HPSE2: variants seen among roughly 807,000 people sequenced by gnomAD.
HPSE2 encodes the protein inactive heparanase-2.
Under a neutral mutation model 60.5 loss-of-function variants are expected in HPSE2, and 38 were observed. The observed-to-expected ratio is 0.63, with a 90% confidence interval of 0.48 to 0.82. The LOEUF (loss-of-function observed/expected upper bound fraction) is 0.82, where lower values mean the gene tolerates loss of function less well. HPSE2 is among the 40% of genes least tolerant of loss of function. The pLI is 0.00. For synonymous variants in HPSE2, 295 were observed against 293.2 expected (o/e 1.01, Z -0.06); for missense variants, 713 against 740.4 (o/e 0.96, Z 0.43).
chr10:98,672,920 A>T (rs1343794287), intron 6 of HPSE2, among the ~76,000 whole-genome samples: 5 of 152,224 alleles, frequency 3.3e-5, no homozygotes, highest in African/African-American at 1.2e-4. Flanking sequence ...GCTTGCAAAG[A>T]TCACCTAAGA....
At chr10:99,048,218 A>T in intron 3 of HPSE2, 1 of 608,294 alleles carries the variant, frequency 1.6e-6, no homozygotes, top group Non-Finnish European at 3.0e-6. Context: ...GATTCATGAG[A>T]TCTATACTAT....
chr10:98,770,284 T>C (rs923189875), intron 3 of HPSE2, among the ~76,000 whole-genome samples: 4 of 152,192 alleles, frequency 2.6e-5, no homozygotes, highest in Admixed American at 1.3e-4. Context: ...ATAATACTAA[T>C]GGAATGGTGG....
Position 99,235,682 on chromosome 10 carries a change from CCT to C in HPSE2, c.119_120del (p.Gln40ArgfsTer24). The C allele has an allele frequency of 6.2e-7, 1 of 1,613,942 alleles. No individual in the cohort carries two copies. The highest frequency in any genetic ancestry group is 8.5e-7 in the Non-Finnish European group (1 of 1,179,990). ...ALLLHLSLSS[Q>X]AGDRRPLPVD... ...ACAGGCAAGGGTCTCCTGTCTCCAG[CCT>C]GGGAGGAAAGGGAGAGATGGAGCAA... On this transcript the variant is annotated frameshift_variant, in exon 1 of 12. Transcript: ENST00000370552. LOFTEE classifies it high-confidence loss of function.
chr10:99,186,104 CCACACACACACACA>C (rs527839752), intron 2 of HPSE2, among the ~76,000 whole-genome samples: 2,614 of 80,748 alleles, frequency 0.032, 98 homozygotes, highest in African/African-American at 0.084. Context: ...GGATAAATAA[CCACACACACACACA>C]CACACACACA....
At chr10:99,195,504 G>C (rs1589806558) in intron 2 of HPSE2, among the ~76,000 whole-genome samples, 1 of 151,692 alleles carries the variant, frequency 6.6e-6, no homozygotes, top group African/African-American at 2.4e-5. Flanking sequence ...CTGATAAGTT[G>C]AGTAAAGTTG....
At chr10:98,908,131 T>C (rs1320248059) in intron 3 of HPSE2, among the ~76,000 whole-genome samples, 1 of 152,204 alleles carries the variant, frequency 6.6e-6, no homozygotes, top group Non-Finnish European at 1.5e-5. Context: ...CTAGGCACTA[T>C]TCTAAGCTCT....
At chr10:99,295,822 C>T in the HPSE2 span, among the ~76,000 whole-genome samples, 2 of 152,078 alleles carry the variant, frequency 1.3e-5, no homozygotes, top group African/African-American at 2.4e-5. Flanking sequence ...ATAAACAAAC[C>T]CTACAATCAC....
intron 3 of HPSE2, among the ~76,000 whole-genome samples, chr10:98,925,292 C>T (rs149849943): frequency 6.6e-6 from 1 of 151,840 alleles, no homozygotes; most frequent in African/African-American, 2.4e-5. Context: ...GAGGGACAAA[C>T]AGTGAAGGCT....
chr10:99,128,140 A>C (rs748414705), intron 3 of HPSE2, among the ~76,000 whole-genome samples: 2 of 152,244 alleles, frequency 1.3e-5, no homozygotes, highest in Non-Finnish European at 2.9e-5. Flanking sequence ...ACAATACCTC[A>C]TATCTCAATA....
intron 3 of HPSE2, among the ~76,000 whole-genome samples, chr10:98,883,645 T>C (rs1953086388): frequency 6.6e-6 from 1 of 151,720 alleles, no homozygotes; most frequent in African/African-American, 2.4e-5. Flanking sequence ...CTTTACAAAA[T>C]ACAAATAAAT....
chr10:99,183,257 G>C (rs995380623), intron 2 of HPSE2, among the ~76,000 whole-genome samples: 2 of 152,074 alleles, frequency 1.3e-5, no homozygotes, highest in African/African-American at 2.4e-5. Flanking sequence ...TTTTCACAAA[G>C]AGCAAAAGCT....
chr10:98,723,488 T>C (rs1396496688), intron 4 of HPSE2, among the ~76,000 whole-genome samples: 1 of 152,184 alleles, frequency 6.6e-6, no homozygotes, highest in East Asian at 1.9e-4. Flanking sequence ...TAAAATGAGT[T>C]AGGGAGGATT....
At chr10:98,708,987 T>TTA (rs1948613560) in intron 5 of HPSE2, among the ~76,000 whole-genome samples, 1 of 152,246 alleles carries the variant, frequency 6.6e-6, no homozygotes, top group African/African-American at 2.4e-5. Context: ...TCCCTGAACG[T>TTA]TAGGCTTTCT....
intron 9 of HPSE2, among the ~76,000 whole-genome samples, chr10:98,547,971 T>G (rs1231219244): frequency 1.3e-5 from 2 of 152,126 alleles, no homozygotes; most frequent in Non-Finnish European, 2.9e-5. Flanking sequence ...TCTTCTACAA[T>G]AATTCAATTT....
chr10:98,505,639 T>C (rs974550961), intron 9 of HPSE2, among the ~76,000 whole-genome samples: 6 of 152,340 alleles, frequency 3.9e-5, no homozygotes, highest in African/African-American at 1.4e-4. Context: ...TATTTTCTTT[T>C]TAAACTTTTA....
intron 3 of HPSE2, among the ~76,000 whole-genome samples, chr10:99,029,928 C>T (rs181700813): frequency 4.4e-4 from 67 of 152,282 alleles, no homozygotes; most frequent in African/African-American, 1.5e-3. Flanking sequence ...TGACACTTTT[C>T]GCTACCACTA....
intron 3 of HPSE2, among the ~76,000 whole-genome samples, chr10:98,966,576 G>T (rs1955819478): frequency 6.6e-6 from 1 of 152,080 alleles, no homozygotes; most frequent in Admixed American, 6.6e-5. Flanking sequence ...CAGTTAAATG[G>T]TGGGACTGTA....
intron 3 of HPSE2, among the ~76,000 whole-genome samples, chr10:98,775,434 G>A (rs531654160): frequency 1.3e-5 from 2 of 152,274 alleles, no homozygotes; most frequent in African/African-American, 4.8e-5. Flanking sequence ...CTATGAGTAT[G>A]GGGTGAGTGC....
chr10:98,541,469 G>C lies in HPSE2; in HGVS notation c.1321-51273C>G, dbSNP rs558976471. On this transcript the variant is annotated intron_variant, in intron 9 of 11. Coordinates refer to ENST00000370552, the MANE Select transcript of HPSE2 (RefSeq NM_021828.5). ...TAGGGAGTGCCAGACAGTGGGCACA[G>C]GACAGTGGGTGCAGCACACCGTGCG... Among the ~76,000 whole-genome samples, 45 of 152,316 alleles carry C rather than the reference G, an allele frequency of 3.0e-4. 1 individual carries two copies. The highest frequency in any genetic ancestry group is 1.1e-3 in the African/African-American group (45 of 41,572).
Sources: gnomAD v4.1 joint callset for allele counts (sites outside exome capture counted in the v4.1 genomes callset) on GRCh38, gnomAD v4.1.1 for gene constraint, MANE v1.5 for transcripts, NCBI Gene and HGNC (gene_info 2026-07-23, HGNC 2026-07-21) for gene names.